The following SPIRE1 variants were observed in gnomAD, a reference collection of about 807,000 sequenced individuals.
SPIRE1 encodes protein spire homolog 1.
SPIRE1 carries 40 observed loss-of-function variants against 94.1 expected under a neutral mutation model. That is an observed-to-expected ratio of 0.43 (90% CI 0.33 to 0.55). The LOEUF (loss-of-function observed/expected upper bound fraction) is 0.55. Among genes scored for constraint, SPIRE1 ranks in the 20% least tolerant of loss-of-function variants. SPIRE1 has a pLI of 0.06. For missense variants in SPIRE1, 838 were observed against 975.2 expected (o/e 0.86, Z 1.87); for synonymous variants, 376 against 371.7 (o/e 1.01, Z -0.13).
At chr18:12,548,092 C>T (rs752427923) in intron 2 of SPIRE1, among the ~76,000 whole-genome samples, 2 of 152,184 alleles carry the variant, frequency 1.3e-5, no homozygotes, top group Admixed American at 6.5e-5. Flanking sequence ...TAATAAGATT[C>T]TGTTGAGACT....
At chr18:12,454,579 A>G in intron 12 of SPIRE1, 96 bp from the exon 13 acceptor site, 1 of 1,168,452 alleles carries the variant, frequency 8.6e-7, no homozygotes. Context: ...TAGTAGCTTC[A>G]GAGAAGAGAA....
chr18:12,484,032 A>G (rs895978843), intron 9 of SPIRE1, among the ~76,000 whole-genome samples: 6 of 152,346 alleles, frequency 3.9e-5, no homozygotes, highest in African/African-American at 1.4e-4. Context: ...AAGTACCAAG[A>G]GTTTTCTTTC....
At chr18:12,604,950 T>C (rs543818266) in intron 2 of SPIRE1, among the ~76,000 whole-genome samples, 1 of 152,300 alleles carries the variant, frequency 6.6e-6, no homozygotes, top group East Asian at 1.9e-4. Context: ...CACTATAGCA[T>C]GGTTGAACCT....
chr18:12,617,658 C>T (rs1231776155), intron 2 of SPIRE1, among the ~76,000 whole-genome samples: 1 of 151,960 alleles, frequency 6.6e-6, no homozygotes, highest in Non-Finnish European at 1.5e-5. Flanking sequence ...TGATCCACCA[C>T]CTCGGCCTCC....
chr18:12,549,730 T>A (rs1018881388), intron 2 of SPIRE1, among the ~76,000 whole-genome samples: 3 of 152,018 alleles, frequency 2.0e-5, no homozygotes, highest in African/African-American at 7.2e-5. Context: ...ATTACAGCTG[T>A]GAGCTACCGT....
At chr18:12,476,357 G>C (rs904439025) in intron 10 of SPIRE1, among the ~76,000 whole-genome samples, 1 of 151,514 alleles carries the variant, frequency 6.6e-6, no homozygotes, top group Non-Finnish European at 1.5e-5. Context: ...TGGCCAACAT[G>C]GTGAAACCCC....
chr18:12,489,931 A>G (rs1450116431), intron 8 of SPIRE1, among the ~76,000 whole-genome samples: 1 of 152,202 alleles, frequency 6.6e-6, no homozygotes, highest in Non-Finnish European at 1.5e-5. Context: ...CCTACTTGCA[A>G]TTACATGTAG....
Position 12,657,859 on chromosome 18 carries a change from T to A in SPIRE1, c.8A>T (p.Gln3Leu), listed in dbSNP as rs1165104409. 4.6e-6 allele frequency: 5 copies of A among 1,086,322 alleles called. No homozygotes were observed. The East Asian group carries it at 3.3e-4, about 71-fold the overall frequency. The allele number at this position is 1,086,322 out of a possible 1,614,324, so 67.3% of individuals were successfully genotyped here. ...CCCGCCGCCCGCCGGGCCAGCCGCCTGAGCCATCCCGCGGGTGGGCGCTGC... is the reference window on the plus strand; with the variant it reads ...CCCGCCGCCCGCCGGGCCAGCCGCCAGAGCCATCCCGCGGGTGGGCGCTGC... The part of the protein sequence containing the change: MA[Q>L]AAGPAGGGEP... The change falls in exon 1 of 17, where the codon CAG becomes CTG. Residue 3 changes from glutamine to leucine, a missense_variant. Physicochemically the swap from Gln to Leu is moderately radical, Grantham distance 113. This residue lies in a region of SPIRE1 where 193 missense variants were observed against 170.5 expected (regional missense o/e 1.13). Coordinates refer to ENST00000409402, the MANE Select transcript of SPIRE1 (RefSeq NM_001128626.2).
In SPIRE1 at chr18:12,611,616, G is replaced by C. The variant is rs117394204; in HGVS notation, c.372+23446C>G. Among the ~76,000 whole-genome samples the C allele has an allele frequency of 6.6e-5, 10 of 152,298 alleles. No individual in the cohort carries two copies. In the East Asian group the frequency reaches 1.9e-3, roughly 29 times the overall value. Reference sequence around the variant, plus strand: ...GCCATTCCTGAATTCCTGACACACAGAAACTGAAATAGTAAATCTTTGTTG... The same window carrying C: ...GCCATTCCTGAATTCCTGACACACACAAACTGAAATAGTAAATCTTTGTTG... On this transcript the variant is annotated intron_variant, in intron 2 of 16. Transcript: ENST00000409402.
chr18:12,635,144 T>C, intron 1 of SPIRE1, 48 bp from the exon 2 acceptor site: 1 of 985,028 alleles, frequency 1.0e-6, no homozygotes, highest in Non-Finnish European at 1.5e-6. Flanking sequence ...TCAGCTTTTT[T>C]AAATCATTGA....
chr18:12,608,727 CAAT>C (rs1229083267), intron 2 of SPIRE1, among the ~76,000 whole-genome samples: 1 of 152,108 alleles, frequency 6.6e-6, no homozygotes, highest in South Asian at 2.1e-4. Flanking sequence ...AAGGTGATGG[CAAT>C]AATAATATCA....
intron 2 of SPIRE1, among the ~76,000 whole-genome samples, chr18:12,577,735 C>T (rs2036148533): frequency 6.6e-6 from 1 of 152,158 alleles, no homozygotes; most frequent in African/African-American, 2.4e-5. Context: ...AAACTTTGCT[C>T]TTCAAAAGAC....
chr18:12,509,808 T>C (rs745651843), intron 5 of SPIRE1, among the ~76,000 whole-genome samples: 15 of 151,870 alleles, frequency 9.9e-5, no homozygotes, highest in Non-Finnish European at 1.8e-4. Context: ...ACCAGCTGGG[T>C]GCGGAGGCTC....
At chr18:12,579,370 G>T (rs1469930082) in intron 2 of SPIRE1, among the ~76,000 whole-genome samples, 1 of 152,136 alleles carries the variant, frequency 6.6e-6, no homozygotes, top group African/African-American at 2.4e-5. Flanking sequence ...TATGCTAAGT[G>T]TAAGAAGCTA....
At chr18:12,646,342 T>C (rs147644558) in intron 1 of SPIRE1, among the ~76,000 whole-genome samples, 1 of 152,318 alleles carries the variant, frequency 6.6e-6, no homozygotes, top group East Asian at 1.9e-4. Flanking sequence ...ATCTTTATTA[T>C]TTTAAAATTA....
intron 1 of SPIRE1, among the ~76,000 whole-genome samples, chr18:12,643,126 T>A (rs974004883): frequency 2.0e-5 from 3 of 152,148 alleles, no homozygotes; most frequent in Non-Finnish European, 4.4e-5. Flanking sequence ...TAAACATTTT[T>A]AAATGTTTAT....
chr18:12,546,931 T>C (rs553482950), intron 2 of SPIRE1, 27 bp from the exon 3 acceptor site: 3 of 1,515,620 alleles, frequency 2.0e-6, no homozygotes, highest in East Asian at 2.3e-5. Flanking sequence ...AAGTGGTTAA[T>C]GGAGATGAAT....
chr18:12,486,878 A>C (rs1411265544), intron 8 of SPIRE1, among the ~76,000 whole-genome samples: 1 of 152,170 alleles, frequency 6.6e-6, no homozygotes, highest in African/African-American at 2.4e-5. Flanking sequence ...TTTGAAATGG[A>C]GTCTCGCTCT....
chr18:12,604,186 G>C (rs1164267926), intron 2 of SPIRE1, among the ~76,000 whole-genome samples: 2 of 152,172 alleles, frequency 1.3e-5, no homozygotes, highest in African/African-American at 4.8e-5. Context: ...CCCCAATTTA[G>C]AACAGATGGG....
Sources: allele counts gnomAD v4.1 joint callset (sites outside exome capture counted in the v4.1 genomes callset), GRCh38; gene constraint gnomAD v4.1.1; regional missense constraint gnomAD v4.1.1; transcripts MANE v1.5; gene names NCBI Gene and HGNC (gene_info 2026-07-23, HGNC 2026-07-21).